SORCS2: variants seen among roughly 807,000 people sequenced by gnomAD.
SORCS2 encodes the protein sortilin related VPS10 domain containing receptor 2, also known as VPS10 domain-containing receptor SorCS2.
Under a neutral mutation model 141.6 loss-of-function variants are expected in SORCS2, and 100 were observed. The observed-to-expected ratio is 0.71, with a 90% CI of 0.60 to 0.83. The LOEUF is 0.83. Ranked by LOEUF, SORCS2 falls within the 40% of genes least tolerant of loss-of-function variation. The pLI, the probability that SORCS2 is intolerant of heterozygous loss-of-function variation, is 0.00. For missense variants in SORCS2, 1,646 were observed against 1,560.2 expected, an observed-to-expected ratio of 1.05 and a Z score of -0.93; for synonymous variants, 789 against 676.9, an observed-to-expected ratio of 1.17 and a Z score of -2.57.
intron 3 of SORCS2, among the ~76,000 whole-genome samples, chr4:7,536,639 G>A (rs939872309): frequency 2.0e-5 from 3 of 152,178 alleles, no homozygotes; most frequent in African/African-American, 7.2e-5. Context: ...GAACTCACGA[G>A]AGAAGGATGT....
chr4:7,411,758 C>A (rs1452592911), intron 2 of SORCS2, among the ~76,000 whole-genome samples: 1 of 152,152 alleles, frequency 6.6e-6, no homozygotes, highest in East Asian at 1.9e-4. Context: ...ATGTAATCTA[C>A]CGTATGGTGG....
intron 1 of SORCS2, among the ~76,000 whole-genome samples, chr4:7,355,675 A>G (rs567294541): frequency 5.9e-5 from 9 of 152,208 alleles, no homozygotes; most frequent in Non-Finnish European, 1.2e-4. Context: ...TTTGGAGCCT[A>G]GGGTCTGGGC....
chr4:7,497,047 G>A (rs1193489957), intron 2 of SORCS2, among the ~76,000 whole-genome samples: 1 of 152,260 alleles, frequency 6.6e-6, no homozygotes, highest in East Asian at 1.9e-4. Context: ...TAGTGTTGTG[G>A]ATGGATGTTG....
intron 1 of SORCS2, among the ~76,000 whole-genome samples, chr4:7,237,169 A>G (rs2108784517): frequency 6.6e-6 from 1 of 152,368 alleles, no homozygotes; most frequent in African/African-American, 2.4e-5. Flanking sequence ...AGCAGATAAC[A>G]TGGGCAATTT....
At chr4:7,351,774 AC>A (rs1720957632) in intron 1 of SORCS2, among the ~76,000 whole-genome samples, 1 of 150,588 alleles carries the variant, frequency 6.6e-6, no homozygotes, top group African/African-American at 2.4e-5. Context: ...TCATCCACCC[AC>A]CCATTTATCA....
At chr4:7,621,527 CTATG>C (rs1187015054) in intron 3 of SORCS2, among the ~76,000 whole-genome samples, 1 of 147,308 alleles carries the variant, frequency 6.8e-6, no homozygotes, top group Non-Finnish European at 1.5e-5. Flanking sequence ...ATGTGTGTGT[CTATG>C]TGTGAGTATG....
chr4:7,636,046 C>T (rs1298726831), intron 3 of SORCS2, among the ~76,000 whole-genome samples: 5 of 152,206 alleles, frequency 3.3e-5, no homozygotes, highest in Non-Finnish European at 7.3e-5. Context: ...GCAAGGCCAC[C>T]ATAGTCGCCT....
intron 1 of SORCS2, among the ~76,000 whole-genome samples, chr4:7,295,454 C>T (rs945258123): frequency 2.6e-5 from 4 of 152,038 alleles, no homozygotes; most frequent in African/African-American, 4.8e-5. Context: ...CCCTGTTCCT[C>T]GGCAATAGGG....
intron 26 of SORCS2, 160 bp downstream of exon 26, chr4:7,737,332 C>A: frequency 1.0e-6 from 1 of 958,576 alleles, no homozygotes; most frequent in Non-Finnish European, 1.5e-6. Flanking sequence ...CCACTGTGTC[C>A]CCTCCATCTG....
chr4:7,223,293 GCGCACACA>G lies in SORCS2; in HGVS notation c.480+30169_480+30176del, dbSNP rs1309271466. On this transcript the variant is annotated intron_variant, in intron 1 of 26. Transcript: ENST00000507866. The stretch of plus-strand genomic sequence containing the variant: ...CAAAGAAAAGGACCTTAGTGTATAT[GCGCACACA>G]CACACACACACACACACTCACACAC... Among the ~76,000 whole-genome samples the G allele has an allele frequency of 6.3e-3, 476 of 75,384 alleles. 17 individuals carry two copies. The highest frequency in any genetic ancestry group is 1.2e-3 in the Non-Finnish European group (47 of 39,028). The allele number at this position is 75,384 out of a possible 152,430, so 49.5% of individuals were successfully genotyped here.
At chr4:7,613,055 C>T (rs1718524564) in intron 3 of SORCS2, among the ~76,000 whole-genome samples, 1 of 152,254 alleles carries the variant, frequency 6.6e-6, no homozygotes, top group South Asian at 2.1e-4. Context: ...GCCACAGGCT[C>T]TGCCTACCAG....
chr4:7,471,331 A>G (rs1395203429), intron 2 of SORCS2, among the ~76,000 whole-genome samples: 2 of 152,236 alleles, frequency 1.3e-5, no homozygotes, highest in African/African-American at 2.4e-5. Flanking sequence ...ATGAGGAGAC[A>G]GTGGCTCTGT....
intron 3 of SORCS2, among the ~76,000 whole-genome samples, chr4:7,562,661 G>A (rs542539542): frequency 6.6e-6 from 1 of 152,200 alleles, no homozygotes; most frequent in East Asian, 1.9e-4. Context: ...ATGGCTTAAA[G>A]TAACAGAAAC....
intron 3 of SORCS2, among the ~76,000 whole-genome samples, chr4:7,545,718 G>A (rs921861326): frequency 7.2e-5 from 11 of 152,206 alleles, no homozygotes; most frequent in Admixed American, 6.5e-4. Context: ...TGGAGAGCCT[G>A]GTGTTTGTGG....
At chr4:7,602,674 G>A (rs917240855) in intron 3 of SORCS2, among the ~76,000 whole-genome samples, 1 of 149,334 alleles carries the variant, frequency 6.7e-6, no homozygotes, top group African/African-American at 2.5e-5. Context: ...CACTTCCCAG[G>A]CTGGGCGGCC....
intron 3 of SORCS2, among the ~76,000 whole-genome samples, chr4:7,536,028 A>G (rs895809690): frequency 2.6e-5 from 4 of 152,232 alleles, no homozygotes; most frequent in Non-Finnish European, 5.9e-5. Context: ...CTTCTGCCTC[A>G]GGAGAATGAA....
intron 1 of SORCS2, among the ~76,000 whole-genome samples, chr4:7,313,667 T>C (rs1029700733): frequency 6.6e-6 from 1 of 152,188 alleles, no homozygotes; most frequent in Non-Finnish European, 1.5e-5. Flanking sequence ...TTGTCTGTTT[T>C]GGATGGCCGC....
chr4:7,296,307 C>G (rs1560172158), intron 1 of SORCS2, among the ~76,000 whole-genome samples: 2 of 152,254 alleles, frequency 1.3e-5, no homozygotes, highest in African/African-American at 2.4e-5. Context: ...CCCTGATTTT[C>G]TCTCTGGCCT....
At chr4:7,580,210 G>A (rs1260365357) in intron 3 of SORCS2, among the ~76,000 whole-genome samples, 1 of 152,184 alleles carries the variant, frequency 6.6e-6, no homozygotes, top group African/African-American at 2.4e-5. Flanking sequence ...AAATGGGTGT[G>A]GTGGCTCATG....
Sources: allele counts gnomAD v4.1 joint callset (sites outside exome capture counted in the v4.1 genomes callset), GRCh38; gene constraint gnomAD v4.1.1; transcripts MANE v1.5; gene names NCBI Gene and HGNC (gene_info 2026-07-23, HGNC 2026-07-21).